PPP4R1: variants seen among roughly 807,000 people sequenced by gnomAD.
PPP4R1 encodes the protein serine/threonine-protein phosphatase 4 regulatory subunit 1.
Under a neutral mutation model 111.2 loss-of-function variants are expected in PPP4R1, and 42 were observed. That is an observed-to-expected ratio of 0.38 (90% confidence interval 0.29 to 0.49). PPP4R1 has a LOEUF of 0.49. Among genes scored for constraint, PPP4R1 ranks in the 20% least tolerant of loss-of-function variants. The pLI, the probability that PPP4R1 is intolerant of heterozygous loss-of-function variation, is 0.97. For synonymous variants in PPP4R1, 409 were observed against 405.5 expected (o/e 1.01, Z -0.10); for missense variants, 1,012 against 1,161.6 (o/e 0.87, Z 1.87).
At chr18:9,585,171 C>CA (rs1351975814) in intron 6 of PPP4R1, among the ~76,000 whole-genome samples, 1 of 152,094 alleles carries the variant, frequency 6.6e-6, no homozygotes, top group Non-Finnish European at 1.5e-5. Flanking sequence ...AACAAACAAA[C>CA]AAACAAAAAC....
At chr18:9,573,764 A>G (rs564525108) in intron 10 of PPP4R1, among the ~76,000 whole-genome samples, 2 of 152,288 alleles carry the variant, frequency 1.3e-5, no homozygotes, top group African/African-American at 4.8e-5. Context: ...CTTGATCACT[A>G]GCTCACCTTG....
intron 2 of PPP4R1, among the ~76,000 whole-genome samples, chr18:9,601,168 A>G (rs2067375115): frequency 6.6e-6 from 1 of 151,738 alleles, no homozygotes; most frequent in African/African-American, 2.4e-5. Flanking sequence ...AAAGCATGCA[A>G]TACAGTGTTC....
At position 9,557,268 on chromosome 18, in the gene PPP4R1, C is replaced by T; in HGVS notation, c.2143G>A (p.Asp715Asn). 2 of 1,611,640 alleles carry T rather than the reference C, an allele frequency of 1.2e-6. No individual in the cohort carries two copies. The highest frequency in any genetic ancestry group is 8.5e-7 in the Non-Finnish European group (1 of 1,179,330). The change falls in exon 15 of 20, where the codon GAT (aspartate) becomes AAT (asparagine). Residue 715 changes from aspartate (D) to asparagine (N), a missense_variant. Physicochemically the swap from Asp to Asn is conservative, Grantham distance 23. This residue lies in a region of PPP4R1 where 305 missense variants were observed against 419.5 expected (regional missense o/e 0.73). Coordinates refer to ENST00000400556, the MANE Select transcript of PPP4R1 (RefSeq NM_001042388.3). The part of the protein sequence containing the change: ...PIFNGFLKDL[D>N]EVRIGVLKHL... ...TTAAGAACACCTATCCTGACTTCATCGAGGTCTTTTAAAAATCCATTAAAA... is the reference window on the plus strand; with the variant it reads ...TTAAGAACACCTATCCTGACTTCATTGAGGTCTTTTAAAAATCCATTAAAA...
At chr18:9,603,028 T>C (rs539763106) in intron 2 of PPP4R1, among the ~76,000 whole-genome samples, 97 of 152,290 alleles carry the variant, frequency 6.4e-4, no homozygotes, top group African/African-American at 2.3e-3. Flanking sequence ...AATAAGCAAA[T>C]GTTCCCTCCC....
At chr18:9,569,427 A>T (rs1003139174) in intron 11 of PPP4R1, among the ~76,000 whole-genome samples, 1 of 152,172 alleles carries the variant, frequency 6.6e-6, no homozygotes, top group African/African-American at 2.4e-5. Context: ...CAAACATTCT[A>T]TAGTCTTTCC....
In PPP4R1 at chr18:9,579,173, T is replaced by C. The variant is rs370426725; in HGVS notation, c.919-1982A>G. 5.9e-5 allele frequency among the ~76,000 whole-genome samples: 9 copies of C among 152,196 alleles called. 1 individual carries two copies. The highest frequency in any genetic ancestry group is 3.8e-4 in the East Asian group (2 of 5,198). On this transcript the variant is annotated intron_variant, in intron 9 of 19. Coordinates refer to ENST00000400556, the MANE Select transcript of PPP4R1 (RefSeq NM_001042388.3). ...ATTTTAACTCTCCAACACATCCCAC[T>C]GCCTGTAATTGAGTAATTTTCCAAC...
rs2066689634 is a variant in PPP4R1 at position 9,562,152 on chromosome 18, ACCTTT to A, written c.1747-82_1747-78del. 16 of 1,077,176 alleles carry A rather than the reference ACCTTT, an allele frequency of 1.5e-5. No homozygotes were observed. In the South Asian group the frequency reaches 1.5e-4, roughly 10 times the overall value. The allele number at this position is 1,077,176 out of a possible 1,614,324, so 66.7% of individuals were successfully genotyped here. A position where few individuals can be genotyped will look rare whatever the true frequency, so the allele number is the denominator to read the frequency against. On this transcript the variant is annotated intron_variant, in intron 12 of 19. Coordinates refer to ENST00000400556, the MANE Select transcript of PPP4R1 (RefSeq NM_001042388.3). ...TTTAAGCTATCTTACTAAGTTACTT[ACCTTT>A]CAAGACTGCCAAAAGTAATAAACAT... is the stretch of plus-strand genomic sequence containing the variant.
At chr18:9,549,943 G>C (rs1393190275) in intron 18 of PPP4R1, 109 bp downstream of exon 18, 7 of 1,487,240 alleles carry the variant, frequency 4.7e-6, no homozygotes, top group Non-Finnish European at 6.4e-6. Context: ...CTACTATAAG[G>C]TTCTGTTCCT....
chr18:9,561,382 C>T (rs1466810021), intron 13 of PPP4R1, among the ~76,000 whole-genome samples: 1 of 152,076 alleles, frequency 6.6e-6, no homozygotes, highest in African/African-American at 2.4e-5. Context: ...ATGGAGACCA[C>T]GGGTGTGGCA....
chr18:9,595,855 C>A (rs428598), intron 2 of PPP4R1, among the ~76,000 whole-genome samples: 26,448 of 152,064 alleles, frequency 0.17, 2,815 homozygotes, highest in Middle Eastern at 0.32. Flanking sequence ...TTCAAAGGAA[C>A]CAAGCAATGA....
chr18:9,551,209 T>C (rs951167343), intron 16 of PPP4R1: 3 of 152,180 alleles, frequency 2.0e-5, no homozygotes, highest in African/African-American at 4.8e-5. Context: ...GACCCTACAG[T>C]AGAAAAAGCT....
intron 16 of PPP4R1, 146 bp downstream of exon 16, chr18:9,553,176 G>A: frequency 1.6e-6 from 1 of 617,852 alleles, no homozygotes; most frequent in African/African-American, 1.9e-5. Flanking sequence ...CTGACAGTAA[G>A]ACACATATTA....
chr18:9,556,044 C>T (rs963874065), intron 15 of PPP4R1, among the ~76,000 whole-genome samples: 2 of 151,224 alleles, frequency 1.3e-5, no homozygotes, highest in South Asian at 2.1e-4. Flanking sequence ...ACCTGTAGTC[C>T]CAGCTACTCA....
At chr18:9,596,352 T>C (rs2067289871) in intron 2 of PPP4R1, among the ~76,000 whole-genome samples, 1 of 152,198 alleles carries the variant, frequency 6.6e-6, no homozygotes, top group Admixed American at 6.5e-5. Context: ...TTATTATTAT[T>C]TCCTGGCACT....
chr18:9,570,297 C>T lies in PPP4R1; in HGVS notation c.1433G>A (p.Gly478Glu), dbSNP rs2145111407. Residue 478 changes from glycine to glutamate, a missense_variant, in exon 11 of 20, where the codon GGA becomes GAA. Around this residue, in one of 2 missense-constraint regions of PPP4R1, gnomAD observed 707 missense variants for 742.1 expected, o/e 0.95. Transcript: ENST00000400556. ...CTCTGGTCCCTCTGGGCTGGGTTTT[C>T]CCCCAGAGTTCTGTTCAAGCTCTAT... is the stretch of plus-strand genomic sequence containing the variant. ...LDIELEQNSGGKPSPEGPEEE... is the reference protein window; with the variant it reads ...LDIELEQNSGEKPSPEGPEEE... The T allele has an allele frequency of 3.1e-6, 5 of 1,612,112 alleles. No individual in the cohort carries two copies. The highest frequency in any genetic ancestry group is 4.2e-6 in the Non-Finnish European group (5 of 1,179,232).
At chr18:9,557,171 A>C in intron 15 of PPP4R1, 50 bp downstream of exon 15, 1 of 1,486,024 alleles carries the variant, frequency 6.7e-7, no homozygotes, top group Non-Finnish European at 9.0e-7. Flanking sequence ...AAAGATTTAG[A>C]TTACGGCAGA....
At chr18:9,572,744 C>A (rs1402046158) in intron 10 of PPP4R1, among the ~76,000 whole-genome samples, 1 of 152,120 alleles carries the variant, frequency 6.6e-6, no homozygotes, top group African/African-American at 2.4e-5. Flanking sequence ...TTTTCAAAAC[C>A]ATTATTTTCA....
At chr18:9,571,882 T>C (rs994126503) in intron 10 of PPP4R1, among the ~76,000 whole-genome samples, 5 of 152,094 alleles carry the variant, frequency 3.3e-5, no homozygotes, top group African/African-American at 9.7e-5. Flanking sequence ...AGTAAGGAAA[T>C]TGTTAATAGA....
chr18:9,608,436 C>T (rs2067521831), intron 2 of PPP4R1, among the ~76,000 whole-genome samples: 1 of 152,066 alleles, frequency 6.6e-6, no homozygotes, highest in Admixed American at 6.5e-5. Flanking sequence ...ATCAATAAGG[C>T]CAGAAAGTAA....
Sources: allele counts gnomAD v4.1 joint callset (sites outside exome capture counted in the v4.1 genomes callset), GRCh38; gene constraint gnomAD v4.1.1; regional missense constraint gnomAD v4.1.1; transcripts MANE v1.5; gene names NCBI Gene and HGNC (gene_info 2026-07-23, HGNC 2026-07-21).